RRAS2: variants seen among roughly 807,000 people sequenced by gnomAD.
RRAS2 encodes the protein ras-related protein R-Ras2.
In RRAS2, 7 loss-of-function variants were observed where a neutral mutation model predicts 27.6. The observed-to-expected ratio is 0.25, with a 90% confidence interval of 0.14 to 0.48. RRAS2 has a LOEUF of 0.48. RRAS2 is among the 20% of genes least tolerant of loss of function. The probability of loss-of-function intolerance (pLI) is 0.99; values close to 1 mark genes in which losing one functional copy is unlikely to be tolerated. For synonymous variants in RRAS2, 86 were observed against 90.9 expected (o/e 0.95, Z 0.31); for missense variants, 178 against 256.2 (o/e 0.69, Z 2.08).
At chr11:14,280,587 G>A (rs1849499098) in intron 5 of RRAS2, among the ~76,000 whole-genome samples, 1 of 151,796 alleles carries the variant, frequency 6.6e-6, no homozygotes, top group African/African-American at 2.4e-5. Flanking sequence ...TTAGCTGGAT[G>A]TGGTGGCAGG....
chr11:14,309,652 G>C (rs1847914124), intron 1 of RRAS2, among the ~76,000 whole-genome samples: 1 of 152,220 alleles, frequency 6.6e-6, no homozygotes, highest in African/African-American at 2.4e-5. Flanking sequence ...GTGATCTAGA[G>C]TATCATTCCA....
At chr11:14,312,547 G>T (rs1237518343) in intron 1 of RRAS2, among the ~76,000 whole-genome samples, 2 of 152,150 alleles carry the variant, frequency 1.3e-5, no homozygotes, top group African/African-American at 4.8e-5. Flanking sequence ...AGCCTCCTGA[G>T]TAGCTGGGAC....
At chr11:14,360,611 C>A (rs538008371), upstream of RRAS2, among the ~76,000 whole-genome samples, 1 of 151,988 alleles carries the variant, frequency 6.6e-6, no homozygotes, top group South Asian at 2.1e-4. Flanking sequence ...GTTACCCAGG[C>A]TAGTCTCGAA....
At chr11:14,356,054 TCA>T (rs1176760331) in intron 1 of RRAS2, among the ~76,000 whole-genome samples, 2 of 152,188 alleles carry the variant, frequency 1.3e-5, no homozygotes, top group Non-Finnish European at 2.9e-5. Context: ...TCATTTAATT[TCA>T]CAGCTATATG....
intron 1 of RRAS2, chr11:14,341,862 C>A (rs782073985): frequency 6.6e-6 from 3 of 453,294 alleles, no homozygotes; most frequent in South Asian, 4.7e-5. Flanking sequence ...CTCTTGCATG[C>A]CTCCTCAATA....
At chr11:14,319,067 A>G (rs1261002172) in intron 1 of RRAS2, among the ~76,000 whole-genome samples, 1 of 152,244 alleles carries the variant, frequency 6.6e-6, no homozygotes, top group Non-Finnish European at 1.5e-5. Context: ...AGCATGGAGC[A>G]GAAATTGATT....
intron 1 of RRAS2, among the ~76,000 whole-genome samples, chr11:14,344,156 A>T (rs962036803): frequency 5.9e-5 from 9 of 152,166 alleles, no homozygotes; most frequent in East Asian, 1.9e-4. Flanking sequence ...TAAAAAAAAA[A>T]TTTTAAGTAG....
At position 14,321,125 on chromosome 11, in the gene RRAS2, A is replaced by G. The variant is rs145000515; in HGVS notation, c.109-25270T>C. Among the ~76,000 whole-genome samples the G allele has an allele frequency of 4.2e-3, 642 of 152,146 alleles. 2 individuals carry two copies. The highest frequency in any genetic ancestry group is 0.014 in the African/African-American group (595 of 41,514). On this transcript the variant is annotated intron_variant, in intron 1 of 5. Coordinates refer to ENST00000256196, the MANE Select transcript of RRAS2 (RefSeq NM_012250.6). ...AACCTGGGAGGCAGAGGTTGCAGTG[A>G]GCCGAGATCGGCCAGTGCACTCCAC...
chr11:14,354,990 T>C (rs1849042545), intron 1 of RRAS2, among the ~76,000 whole-genome samples: 1 of 152,104 alleles, frequency 6.6e-6, no homozygotes, highest in Non-Finnish European at 1.5e-5. Flanking sequence ...AATTCTTATT[T>C]GCTTACTCTG....
At chr11:14,280,636 G>C (rs751674970) in intron 5 of RRAS2, among the ~76,000 whole-genome samples, 10 of 146,376 alleles carry the variant, frequency 6.8e-5, no homozygotes, top group Non-Finnish European at 1.3e-4. Context: ...CTGAGGCAGA[G>C]AATTGCTTGA....
At chr11:14,331,645 T>C (rs1310243310) in intron 1 of RRAS2, among the ~76,000 whole-genome samples, 1 of 129,412 alleles carries the variant, frequency 7.7e-6, no homozygotes, top group Non-Finnish European at 1.6e-5. Flanking sequence ...AAGTCCAGCG[T>C]AGGCAACATA....
Position 14,278,470 on chromosome 11 carries a change from A to G in RRAS2, c.*867T>C, listed in dbSNP as rs1283424248. 1 of 152,262 alleles carries G rather than the reference A, an allele frequency of 6.6e-6. No homozygotes were observed. The highest frequency in any genetic ancestry group is 2.4e-5 in the African/African-American group (1 of 41,476). 9.4% of individuals were successfully genotyped at this position (152,262 alleles called of 1,614,324 possible). A position where few individuals can be genotyped will look rare whatever the true frequency, so the allele number is the denominator to read the frequency against. ...CTAGTTTGATAAGAAAATAATGTAT[A>G]AAAGTATATAGCAAAAACATTAATC... is the stretch of plus-strand genomic sequence containing the variant. On this transcript the variant is annotated 3_prime_UTR_variant, in exon 6 of 6. Transcript: ENST00000256196.
chr11:14,359,290 C>T, upstream of RRAS2: 1 of 426,620 alleles, frequency 2.3e-6, no homozygotes, highest in Non-Finnish European at 3.1e-6. Context: ...GGGCTTCAGA[C>T]CCCCACGGAC....
chr11:14,316,037 A>C (rs1848094551), intron 1 of RRAS2, among the ~76,000 whole-genome samples: 1 of 152,094 alleles, frequency 6.6e-6, no homozygotes, highest in Non-Finnish European at 1.5e-5. Flanking sequence ...GACAAAAAAA[A>C]CGTAGTTCAG....
intron 4 of RRAS2, among the ~76,000 whole-genome samples, chr11:14,293,124 A>AATATAT (rs781860601): frequency 0.05 from 3,801 of 76,424 alleles, 181 homozygotes; most frequent in East Asian, 0.058. Flanking sequence ...AAACAAAACA[A>AATATAT]ATATATATAT....
chr11:14,304,313 C>T (rs1444398776), intron 1 of RRAS2, among the ~76,000 whole-genome samples: 4 of 152,184 alleles, frequency 2.6e-5, no homozygotes, highest in South Asian at 2.1e-4. Flanking sequence ...GGAAAGGACA[C>T]CAAACATACA....
upstream of RRAS2, among the ~76,000 whole-genome samples, chr11:14,360,780 G>C (rs546781476): frequency 7.2e-5 from 11 of 151,960 alleles, no homozygotes; most frequent in South Asian, 1.2e-3. Flanking sequence ...AATTAGTCCG[G>C]AGTGGTGGCG....
intron 1 of RRAS2, among the ~76,000 whole-genome samples, chr11:14,306,260 G>A (rs1035958538): frequency 8.0e-6 from 1 of 125,686 alleles, no homozygotes; most frequent in Non-Finnish European, 1.8e-5. Flanking sequence ...ATCATTGAAT[G>A]TAAGAGTACT....
intron 1 of RRAS2, among the ~76,000 whole-genome samples, chr11:14,345,133 C>T (rs547910663): frequency 6.6e-6 from 1 of 151,794 alleles, no homozygotes. Flanking sequence ...ATTATTGGCG[C>T]GTGTCACTAT....
Sources: allele counts gnomAD v4.1 joint callset (sites outside exome capture counted in the v4.1 genomes callset), GRCh38; gene constraint gnomAD v4.1.1; transcripts MANE v1.5; gene names NCBI Gene and HGNC (gene_info 2026-07-23, HGNC 2026-07-21).